The following IBA57 variants were observed in gnomAD, a reference collection of about 807,000 sequenced individuals.
The protein encoded by IBA57 is iron-sulfur cluster assembly factor IBA57.
Under a neutral mutation model 20.4 loss-of-function variants are expected in IBA57, and 20 were observed. That is an observed-to-expected ratio of 0.98 (90% confidence interval 0.69 to 1.42). The LOEUF (loss-of-function observed/expected upper bound fraction) is 1.42, where lower values mean the gene tolerates loss of function less well. Among genes scored for constraint, IBA57 ranks in the 40% most tolerant of loss-of-function variants. IBA57 has a pLI of 0.00. For synonymous variants in IBA57, 310 were observed against 233.9 expected (o/e 1.33, Z -2.97); for missense variants, 608 against 499.3 (o/e 1.22, Z -2.07).
rs1158395727 is a variant in IBA57, at chr1:228,166,039, A to G, written c.223A>G (p.Thr75Ala). The G allele has an allele frequency of 6.5e-7, 1 of 1,538,234 alleles. No homozygotes were observed. Among genetic ancestry groups the G allele is most frequent in the Non-Finnish European group, 8.7e-7 (1 of 1,147,812 alleles). Residue 75 changes from threonine to alanine, a missense_variant, in exon 1 of 3, where the codon ACC becomes GCC. Thr to Ala is a moderately conservative substitution (Grantham distance 58). Transcript: ENST00000366711. ...GGCGCCCTTCCTGCTAGGGCTGCTG[A>G]CCAATGAACTGCCGCTTCCGAGTCC... ...DAAPFLLGLL[T>A]NELPLPSPAA...
Position 228,175,352 on chromosome 1 carries a change from G to A in IBA57, c.910G>A (p.Gly304Arg), listed in dbSNP as rs760084744. The change falls in exon 3 of 3, where the codon GGA becomes AGA. Residue 304 changes from glycine to arginine, a missense_variant. By Grantham distance (125) the Gly-to-Arg change is moderately radical (BLOSUM62 -2). Coordinates refer to ENST00000366711, the MANE Select transcript of IBA57 (RefSeq NM_001010867.4). Reference protein sequence around the residue: ...TPGATVLTASGQTVGKFRAGQ... With the variant: ...TPGATVLTASRQTVGKFRAGQ... ...TGGTGCCACGGTGCTGACTGCCTCA[G>A]GACAGACTGTGGGCAAGTTCAGGGC... The A allele has an allele frequency of 6.2e-7, 1 of 1,612,982 alleles. No individual in the cohort carries two copies. The highest frequency in any genetic ancestry group is 1.7e-5 in the Admixed American group (1 of 60,020).
chr1:228,168,461 G>A (rs1049733303), intron 1 of IBA57, among the ~76,000 whole-genome samples: 1 of 152,038 alleles, frequency 6.6e-6, no homozygotes, highest in East Asian at 1.9e-4. Context: ...ATCATTCAAG[G>A]GTCAGCTGTC....
Position 228,175,454 on chromosome 1 carries a change from G to C in IBA57, c.1012G>C (p.Gly338Arg), listed in dbSNP as rs889928102. The C allele has an allele frequency of 6.2e-7, 1 of 1,606,066 alleles. No individual in the cohort carries two copies. Among genetic ancestry groups the C allele is most frequent in the African/African-American group, 1.3e-5 (1 of 74,912 alleles). Reference protein sequence around the residue: ...KGPLHIRASEGAQVALAASVP... With the variant: ...KGPLHIRASERAQVALAASVP... ...TCCTCTGCACATCAGAGCCTCTGAG[G>C]GTGCCCAGGTGGCCTTAGCCGCATC... The change falls in exon 3 of 3, where the codon GGT (glycine) becomes CGT (arginine). Residue 338 changes from glycine to arginine, a missense_variant. Transcript: ENST00000366711.
chr1:228,174,944 C>T lies in IBA57; in HGVS notation c.594C>T (p.Leu198=), dbSNP rs779919145. 8.9e-6 allele frequency: 14 copies of T among 1,575,278 alleles called. No homozygotes were observed. In the South Asian group the frequency reaches 1.4e-4, roughly 15 times the overall value. The change falls in exon 2 of 3, where the codon CTC becomes CTT. Residue 198 remains leucine (L), a synonymous_variant. Transcript: ENST00000366711. ...GAACAGCACGCATGGGGTGGCGGCT[C>T]CTCACCCAGGATGAAGGCCCAGCCC... ...DPRTARMGWR[L]LTQDEGPALV... is the part of the protein sequence containing the mutation.
chr1:228,175,131 AG>A lies in IBA57; in HGVS notation c.694del (p.Val232SerfsTer19). The part of the protein sequence containing the change: ...HQHRYLQGVP[E>X]GVRDLPPGVA... ...CCTCCAATCCCTGCAGGCGTTCCTG[AG>A]GGGGTCCGAGACTTGCCTCCTGGGG... On this transcript the variant is annotated frameshift_variant, in exon 3 of 3. Coordinates refer to ENST00000366711, the MANE Select transcript of IBA57 (RefSeq NM_001010867.4). LOFTEE classifies it low-confidence loss of function (END_TRUNC). 6.2e-7 allele frequency: 1 copy of A among 1,611,914 alleles called. No individual in the cohort carries two copies. Among genetic ancestry groups the A allele is most frequent in the Non-Finnish European group, 8.5e-7 (1 of 1,179,292 alleles).
At position 228,179,674 on chromosome 1, in the gene IBA57, T is replaced by C. The variant is rs1380608625; in HGVS notation, c.*4161T>C. 6.6e-5 allele frequency: 10 copies of C among 152,174 alleles called. No individual in the cohort carries two copies. The highest frequency in any genetic ancestry group is 1.0e-4 in the Non-Finnish European group (7 of 68,044). The allele number at this position is 152,174 out of a possible 1,614,324, so 9.4% of individuals were successfully genotyped here. ...AAAGCTCTACCCAAACAGTCACGTC[T>C]TGGTGAAAGTACAGAATCTCATGAC... On this transcript the variant is annotated 3_prime_UTR_variant, in exon 3 of 3. Coordinates refer to ENST00000366711, the MANE Select transcript of IBA57 (RefSeq NM_001010867.4).
At chr1:228,174,046 T>C (rs2124975860) in intron 1 of IBA57, among the ~76,000 whole-genome samples, 1 of 152,342 alleles carries the variant, frequency 6.6e-6, no homozygotes, top group Non-Finnish European at 1.5e-5. Flanking sequence ...CGCGGCACTC[T>C]GCGCTGGTCT....
intron 1 of IBA57, among the ~76,000 whole-genome samples, chr1:228,169,193 C>A (rs374729496): frequency 2.0e-5 from 3 of 152,292 alleles, no homozygotes; most frequent in Admixed American, 6.5e-5. Context: ...AGGTCAGGGA[C>A]CACCTCTCCC....
intron 1 of IBA57, chr1:228,173,399 G>GCCT (rs2034952448): frequency 2.6e-5 from 1 of 39,084 alleles, no homozygotes; most frequent in Non-Finnish European, 5.8e-5. Flanking sequence ...TCCACTTAGT[G>GCCT]CCCCCCCCCC....
In IBA57 at chr1:228,175,180, C is replaced by G. The variant is rs772357955; in HGVS notation, c.738C>G (p.Asn246Lys). ...GGGTGGCCCTGCCCCTGGAGTCCAACCTGGCCTTCATGAACGGCGTGAGCT... is the reference window on the plus strand; with the variant it reads ...GGGTGGCCCTGCCCCTGGAGTCCAAGCTGGCCTTCATGAACGGCGTGAGCT... ...PPGVALPLESNLAFMNGVSFT... is the reference protein window; with the variant it reads ...PPGVALPLESKLAFMNGVSFT... The change falls in exon 3 of 3, where the codon AAC (asparagine) becomes AAG (lysine). Residue 246 changes from asparagine (N) to lysine (K), a missense_variant. Physicochemically the swap from Asn to Lys is moderately conservative, Grantham distance 94. Transcript: ENST00000366711. The G allele has an allele frequency of 1.2e-6, 2 of 1,612,888 alleles. No homozygotes were observed. Among genetic ancestry groups the G allele is most frequent in the South Asian group, 2.2e-5 (2 of 91,080 alleles).
In IBA57 at chr1:228,175,559, G is replaced by T. The variant is rs778978763; in HGVS notation, c.*46G>T. ...AGGCTGATGGGGAGGCTGGGGCCTG[G>T]GGCCTTTGGCCTCTGTCCAGGGTCT... On this transcript the variant is annotated 3_prime_UTR_variant, in exon 3 of 3. Coordinates refer to ENST00000366711, the MANE Select transcript of IBA57 (RefSeq NM_001010867.4). The T allele has an allele frequency of 2.0e-6, 3 of 1,519,230 alleles. No homozygotes were observed. Among genetic ancestry groups the T allele is most frequent in the Non-Finnish European group, 2.6e-6 (3 of 1,135,004 alleles). 94.1% of individuals were successfully genotyped at this position (1,519,230 alleles called of 1,614,324 possible). A position where few individuals can be genotyped will look rare whatever the true frequency, so the allele number is the denominator to read the frequency against.
chr1:228,175,138 C>T lies in IBA57; in HGVS notation c.696C>T (p.Val232=). Residue 232 remains valine, a synonymous_variant, in exon 3 of 3, where the codon GTC becomes GTT. Coordinates refer to ENST00000366711, the MANE Select transcript of IBA57 (RefSeq NM_001010867.4). The stretch of plus-strand genomic sequence containing the variant: ...TCCCTGCAGGCGTTCCTGAGGGGGT[C>T]CGAGACTTGCCTCCTGGGGTGGCCC... ...HRYLQGVPEG[V]RDLPPGVALP... is the part of the protein sequence containing the mutation. 2 of 1,612,440 alleles carry T rather than the reference C, an allele frequency of 1.2e-6. No homozygotes were observed. The highest frequency in any genetic ancestry group is 1.7e-6 in the Non-Finnish European group (2 of 1,179,636).
Position 228,174,902 on chromosome 1 carries a change from C to T in IBA57, c.552C>T (p.Ile184=). Residue 184 remains isoleucine, a synonymous_variant, in exon 2 of 3, where the codon ATC becomes ATT. Transcript: ENST00000366711. Reference sequence around the variant, plus strand: ...AGGAGAGGGCAGGGGCTGCCGCCATCCTCATCCGCGACCCGCGAACAGCAC... The same window carrying T: ...AGGAGAGGGCAGGGGCTGCCGCCATTCTCATCCGCGACCCGCGAACAGCAC... ...SLQERAGAAA[I]LIRDPRTARM... The T allele has an allele frequency of 6.2e-7, 1 of 1,603,138 alleles. No homozygotes were observed. The highest frequency in any genetic ancestry group is 1.7e-4 in the Middle Eastern group (1 of 5,870).
At chr1:228,167,048 A>C (rs931772662) in intron 1 of IBA57, among the ~76,000 whole-genome samples, 1 of 152,228 alleles carries the variant, frequency 6.6e-6, no homozygotes, top group Non-Finnish European at 1.5e-5. Flanking sequence ...GTCACCGACA[A>C]TGTTCACATC....
In IBA57 at chr1:228,175,412, T is replaced by C; in HGVS notation, c.970T>C (p.Ser324Pro). The C allele has an allele frequency of 6.2e-7, 1 of 1,612,830 alleles. No individual in the cohort carries two copies. Among genetic ancestry groups the C allele is most frequent in the Non-Finnish European group, 8.5e-7 (1 of 1,179,910 alleles). The change falls in exon 3 of 3, where the codon TCA becomes CCA. Residue 324 changes from serine to proline, a missense_variant. Physicochemically the swap from Ser to Pro is moderately conservative, Grantham distance 74. Coordinates refer to ENST00000366711, the MANE Select transcript of IBA57 (RefSeq NM_001010867.4). Reference protein sequence around the residue: ...QGNVGLALLWSEKIKGPLHIR... With the variant: ...QGNVGLALLWPEKIKGPLHIR... ...CAACGTGGGGCTGGCCCTGCTGTGG[T>C]CAGAGAAGATCAAGGGTCCTCTGCA... is the stretch of plus-strand genomic sequence containing the variant.
In IBA57 at chr1:228,176,763, G is replaced by C. The variant is rs1228698895; in HGVS notation, c.*1250G>C. On this transcript the variant is annotated 3_prime_UTR_variant, in exon 3 of 3. Coordinates refer to ENST00000366711, the MANE Select transcript of IBA57 (RefSeq NM_001010867.4). ...TGCAGCCATGGCGGTTTTGGGGTCA[G>C]GGGTCTAAAGGCAGCTCTGAGCTGC... 6.6e-6 allele frequency: 1 copy of C among 152,362 alleles called. No homozygotes were observed. The highest frequency in any genetic ancestry group is 2.4e-5 in the African/African-American group (1 of 41,470). The allele number at this position is 152,362 out of a possible 1,614,324, so 9.4% of individuals were successfully genotyped here. A position where few individuals can be genotyped will look rare whatever the true frequency, so the allele number is the denominator to read the frequency against.
In IBA57 at chr1:228,170,485, G is replaced by T. The variant is rs552980788; in HGVS notation, c.342-4207G>T. On this transcript the variant is annotated intron_variant, in intron 1 of 2. Coordinates refer to ENST00000366711, the MANE Select transcript of IBA57 (RefSeq NM_001010867.4). This position sits in a 1 kb window ranked among gnomAD's most constrained non-coding sequence, Gnocchi z 4.8. The stretch of plus-strand genomic sequence containing the variant: ...GTAGCCAGGACTACAGGTAGTTGAG[G>T]TCTCACTATGTTGCTCGGGCTGGTC... Among the ~76,000 whole-genome samples the T allele has an allele frequency of 3.1e-4, 47 of 151,950 alleles. No homozygotes were observed. Among genetic ancestry groups the T allele is most frequent in the Non-Finnish European group, 6.2e-4 (42 of 67,974 alleles).
Position 228,175,774 on chromosome 1 carries a change from CG to C in IBA57, c.*264del, listed in dbSNP as rs952386593. The stretch of plus-strand genomic sequence containing the variant: ...GTGAGTGCTGGGCTCCAGATGGCGC[CG>C]GGTCCCAATCGTGGCTCCACACAGG... On this transcript the variant is annotated 3_prime_UTR_variant, in exon 3 of 3. Transcript: ENST00000366711. 2.0e-5 allele frequency: 8 copies of C among 393,936 alleles called. No individual in the cohort carries two copies. The East Asian group carries it at 3.3e-4, about 16-fold the overall frequency. 24.4% of individuals were successfully genotyped at this position (393,936 alleles called of 1,614,324 possible).
rs1214364347 is a variant in IBA57 at position 228,178,094 on chromosome 1, T to G, written c.*2581T>G. 6.6e-6 allele frequency: 1 copy of G among 152,168 alleles called. No homozygotes were observed. Among genetic ancestry groups the G allele is most frequent in the Non-Finnish European group, 1.5e-5 (1 of 68,064 alleles). 9.4% of individuals were successfully genotyped at this position (152,168 alleles called of 1,614,324 possible). ...GCATGGTGGTGCAGTCTGGGCTTCTTACCCTCACACCTCCTGCCTCCCCTC... is the reference window on the plus strand; with the variant it reads ...GCATGGTGGTGCAGTCTGGGCTTCTGACCCTCACACCTCCTGCCTCCCCTC... On this transcript the variant is annotated 3_prime_UTR_variant, in exon 3 of 3. Transcript: ENST00000366711.
Sources: allele counts gnomAD v4.1 joint callset (sites outside exome capture counted in the v4.1 genomes callset), GRCh38; gene constraint gnomAD v4.1.1; non-coding constraint Gnocchi (gnomAD v3.1); transcripts MANE v1.5; gene names NCBI Gene and HGNC (gene_info 2026-07-23, HGNC 2026-07-21).